Variants in VNN2 observed in about 807,000 individuals in gnomAD.
The protein encoded by VNN2 is pantetheine hydrolase VNN2.
In VNN2, 43 loss-of-function variants were observed where a neutral mutation model predicts 43.0. The ratio of observed to expected loss-of-function variants is 1.00; its 90% confidence interval spans 0.78 to 1.29. The LOEUF is 1.29. Among genes scored for constraint, VNN2 ranks in the 50% most tolerant of loss-of-function variants. The pLI, the probability that VNN2 is intolerant of heterozygous loss-of-function variation, is 0.00. For synonymous variants in VNN2, 230 were observed against 224.3 expected, an observed-to-expected ratio of 1.03 and a Z score of -0.23; for missense variants, 652 against 619.7, an observed-to-expected ratio of 1.05 and a Z score of -0.55.
At position 132,752,676 on chromosome 6, in the gene VNN2, C is replaced by G. The variant is rs1562247401; in HGVS notation, c.611G>C (p.Gly204Ala). The G allele has an allele frequency of 6.2e-7, 1 of 1,614,150 alleles. No homozygotes were observed. The highest frequency in any genetic ancestry group is 8.5e-7 in the Non-Finnish European group (1 of 1,180,012). ...PELVTFNTAF[G>A]RFGIFTCFDI... The stretch of plus-strand genomic sequence containing the variant: ...AAAGCACGTGAAAATGCCAAACCTT[C>G]CAAATGCGGTGTTGAAAGTCACCAA... Residue 204 changes from glycine to alanine, a missense_variant, in exon 4 of 7, where the codon GGA becomes GCA. Transcript: ENST00000326499.
chr6:132,751,638 GA>G (rs1780112137), intron 4 of VNN2, 120 bp from the exon 5 acceptor site: 1 of 1,213,758 alleles, frequency 8.2e-7, no homozygotes, highest in African/African-American at 1.5e-5. Context: ...GATGAGAGAG[GA>G]TACATGCTTC....
chr6:132,762,097 A>G (rs969279994), upstream of VNN2, among the ~76,000 whole-genome samples: 2 of 152,190 alleles, frequency 1.3e-5, no homozygotes, highest in African/African-American at 4.8e-5. Flanking sequence ...CTGGAATGAA[A>G]TGGGGTTGAC....
At chr6:132,745,640 C>G (rs1470770365) in intron 6 of VNN2, among the ~76,000 whole-genome samples, 1 of 152,148 alleles carries the variant, frequency 6.6e-6, no homozygotes, top group Non-Finnish European at 1.5e-5. Context: ...AAAGTTACAT[C>G]ACACCACTGG....
intron 5 of VNN2, among the ~76,000 whole-genome samples, chr6:132,750,514 T>TATATATATATATATA (rs369805846): frequency 1.4e-4 from 16 of 114,272 alleles, no homozygotes; most frequent in South Asian, 3.2e-4. Context: ...TATATATATA[T>TATATATATATATATA]TTTTCCAGGT....
chr6:132,756,137 T>G, intron 2 of VNN2, 102 bp from the exon 3 acceptor site: 1 of 1,118,126 alleles, frequency 8.9e-7, no homozygotes, highest in Non-Finnish European at 1.2e-6. Context: ...GAACTTAAGT[T>G]AATACAAAAA....
chr6:132,753,447 C>T, intron 3 of VNN2: 1 of 451,478 alleles, frequency 2.2e-6, no homozygotes, highest in Non-Finnish European at 4.4e-6. Context: ...TGTCATCTCT[C>T]TCTTTAGTGT....
upstream of VNN2, chr6:132,758,023 TC>T (rs373151956): frequency 0.025 from 4,192 of 169,730 alleles, 577 homozygotes; most frequent in Admixed American, 0.075. Flanking sequence ...TTCTTCTTCT[TC>T]TTCTTCTTCT....
chr6:132,755,714 A>C, intron 3 of VNN2, 129 bp downstream of exon 3: 1 of 1,096,536 alleles, frequency 9.1e-7, no homozygotes. Context: ...TCAAAAAACA[A>C]AAAACAAAAC....
At position 132,744,513 on chromosome 6, in the gene VNN2, TAC is replaced by T. The variant is rs1779608621; in HGVS notation, c.1372-24_1372-23del. 3.2e-6 allele frequency: 5 copies of T among 1,556,062 alleles called. 1 individual carries two copies. The African/African-American group carries it at 7.0e-5, about 22-fold the overall frequency. On this transcript the variant is annotated intron_variant, in intron 6 of 6. Coordinates refer to ENST00000326499, the MANE Select transcript of VNN2 (RefSeq NM_004665.6). Reference sequence around the variant, plus strand: ...GCACCTAAAGAAAAGGTGGGAAAAGTACAGTCAGCTTTCTTAACATAGAAGTT... The same window carrying T: ...GCACCTAAAGAAAAGGTGGGAAAAGTAGTCAGCTTTCTTAACATAGAAGTT...
chr6:132,757,653 A>C lies in VNN2; in HGVS notation c.213+18T>G. Reference sequence around the variant, plus strand: ...ATGCCCCTCGTGTACATTATGATTAACAGAAATAAGAGAATACCTGCTCAG... The same window carrying C: ...ATGCCCCTCGTGTACATTATGATTACCAGAAATAAGAGAATACCTGCTCAG... On this transcript the variant is annotated intron_variant, in intron 1 of 6. Coordinates refer to ENST00000326499, the MANE Select transcript of VNN2 (RefSeq NM_004665.6). The C allele has an allele frequency of 2.5e-6, 4 of 1,612,254 alleles. No homozygotes were observed. The South Asian group carries it at 4.4e-5, about 18-fold the overall frequency.
intron 3 of VNN2, among the ~76,000 whole-genome samples, chr6:132,754,541 C>G (rs35222987): frequency 0.038 from 5,770 of 152,210 alleles, 162 homozygotes; most frequent in Middle Eastern, 0.088. Context: ...TTTCTCCACT[C>G]CAAAGATTCT....
chr6:132,755,788 C>T, intron 3 of VNN2, 55 bp downstream of exon 3: 1 of 1,512,424 alleles, frequency 6.6e-7, no homozygotes, highest in South Asian at 1.3e-5. Context: ...CTCCTAAACC[C>T]AGCATTGACC....
chr6:132,749,627 C>T, intron 6 of VNN2, 68 bp downstream of exon 6: 1 of 1,426,798 alleles, frequency 7.0e-7, no homozygotes, highest in Non-Finnish European at 9.5e-7. Context: ...GGCAGAGTGG[C>T]TATAGCTTGT....
chr6:132,749,807 T>A lies in VNN2; in HGVS notation c.1259A>T (p.Glu420Val). Reference sequence around the variant, plus strand: ...CATTTCAAATCTTGTAGAAGCAGTTTCTACTGGCCGTCCACAAGTTGTCAA... The same window carrying A: ...CATTTCAAATCTTGTAGAAGCAGTTACTACTGGCCGTCCACAAGTTGTCAA... ...TNLTTCGRPV[E>V]TASTRFEMFS... is the part of the protein sequence containing the mutation. The change falls in exon 6 of 7, where the codon GAA becomes GTA. Residue 420 changes from glutamate (E) to valine (V), a missense_variant. By Grantham distance (121) the Glu-to-Val change is moderately radical. Coordinates refer to ENST00000326499, the MANE Select transcript of VNN2 (RefSeq NM_004665.6). 1 of 1,614,138 alleles carries A rather than the reference T, an allele frequency of 6.2e-7. No homozygotes were observed. Among genetic ancestry groups the A allele is most frequent in the South Asian group, 1.1e-5 (1 of 91,084 alleles).
At chr6:132,758,041 T>TCTTCTTC (rs1554219567), upstream of VNN2, 153 of 247,566 alleles carry the variant, frequency 6.2e-4, 1 homozygote, top group African/African-American at 1.6e-3. Context: ...TTCTTCTTCT[T>TCTTCTTC]TTTTTTTTTT....
intron 4 of VNN2, 136 bp downstream of exon 4, chr6:132,752,325 T>C: frequency 1.9e-6 from 2 of 1,036,886 alleles, no homozygotes; most frequent in Non-Finnish European, 2.7e-6. Flanking sequence ...GTGCTAGCTT[T>C]TTTTTTCTAT....
chr6:132,754,936 G>A (rs1780360543), intron 3 of VNN2, among the ~76,000 whole-genome samples: 1 of 152,174 alleles, frequency 6.6e-6, no homozygotes, highest in South Asian at 2.1e-4. Context: ...CATTTTGGGA[G>A]GCCAAGGTGG....
rs1264861434 is a variant in VNN2 at position 132,752,628 on chromosome 6, C to T, written c.659G>A (p.Gly220Asp). 6.2e-7 allele frequency: 1 copy of T among 1,614,096 alleles called. No homozygotes were observed. The highest frequency in any genetic ancestry group is 1.7e-5 in the Admixed American group (1 of 60,012). The change falls in exon 4 of 7, where the codon GGT (glycine) becomes GAT (aspartate). Residue 220 changes from glycine (G) to aspartate (D), a missense_variant. Physicochemically the swap from Gly to Asp is moderately conservative, Grantham distance 94. Coordinates refer to ENST00000326499, the MANE Select transcript of VNN2 (RefSeq NM_004665.6). Reference sequence around the variant, plus strand: ...ATGGAAATCTTTCACCAGGGTAACACCAGGATCATAGAAGAATATATCAAA... The same window carrying T: ...ATGGAAATCTTTCACCAGGGTAACATCAGGATCATAGAAGAATATATCAAA... ...TCFDIFFYDP[G>D]VTLVKDFHVD...
At chr6:132,744,637 C>G (rs1779615312) in intron 6 of VNN2, 146 bp from the exon 7 acceptor site, 1 of 723,490 alleles carries the variant, frequency 1.4e-6, no homozygotes, top group Non-Finnish European at 2.1e-6. Context: ...AGGCAGGGGA[C>G]AGCCATTTAC....
Sources: allele counts gnomAD v4.1 joint callset (sites outside exome capture counted in the v4.1 genomes callset), GRCh38; gene constraint gnomAD v4.1.1; transcripts MANE v1.5; gene names NCBI Gene and HGNC (gene_info 2026-07-23, HGNC 2026-07-21).